Variants in ALG14 observed in about 807,000 individuals in gnomAD.
ALG14 encodes ALG14 UDP-N-acetylglucosaminyltransferase subunit, also known as UDP-N-acetylglucosamine transferase subunit ALG14.
In ALG14, 17 loss-of-function variants were observed where a neutral mutation model predicts 22.8. That is an observed-to-expected ratio of 0.75 (90% CI 0.51 to 1.12). The LOEUF is 1.12. Ranked by LOEUF, ALG14 falls within the 50% of genes most tolerant of loss-of-function variation. ALG14 has a pLI of 0.00. For missense variants in ALG14, 288 were observed against 271.8 expected, an observed-to-expected ratio of 1.06 and a Z score of -0.42; for synonymous variants, 89 against 103.7, an observed-to-expected ratio of 0.86 and a Z score of 0.86.
chr1:95,047,060 G>A (rs1195819396), intron 2 of ALG14, among the ~76,000 whole-genome samples: 1 of 151,820 alleles, frequency 6.6e-6, no homozygotes, highest in Non-Finnish European at 1.5e-5. Context: ...GAACCAACAT[G>A]GAAAGTTATC....
At position 95,059,239 on chromosome 1, in the gene ALG14, A is replaced by G. The variant is rs570623804; in HGVS notation, c.288+5627T>C. 3.3e-5 allele frequency among the ~76,000 whole-genome samples: 5 copies of G among 151,900 alleles called. No homozygotes were observed. In the East Asian group the frequency reaches 1.0e-3, roughly 31 times the overall value. On this transcript the variant is annotated intron_variant, in intron 2 of 3. Transcript: ENST00000370205. ...TGGGGAAACCCCGTCTCTACTAAAA[A>G]TACAAAAATTAGTTGGGCGTGGTGG... is the stretch of plus-strand genomic sequence containing the variant.
At chr1:95,033,621 A>G (rs1674094626) in intron 2 of ALG14, among the ~76,000 whole-genome samples, 1 of 152,064 alleles carries the variant, frequency 6.6e-6, no homozygotes, top group African/African-American at 2.4e-5. Context: ...AGTAAAATCT[A>G]TCATAGATTT....
chr1:95,018,113 G>C (rs987841060), intron 3 of ALG14, among the ~76,000 whole-genome samples: 2 of 152,006 alleles, frequency 1.3e-5, no homozygotes, highest in African/African-American at 4.8e-5. Context: ...TTTGTAGGAT[G>C]GTATTTTTTC....
chr1:95,015,581 T>C (rs1011776129), intron 3 of ALG14, among the ~76,000 whole-genome samples: 1 of 152,176 alleles, frequency 6.6e-6, no homozygotes, highest in African/African-American at 2.4e-5. Context: ...CTAAGGTTGT[T>C]TGTAAATCAG....
At chr1:95,024,665 A>G (rs147477352) in intron 3 of ALG14, among the ~76,000 whole-genome samples, 36 of 152,268 alleles carry the variant, frequency 2.4e-4, no homozygotes, top group African/African-American at 7.7e-4. Context: ...AGATCACCTC[A>G]GTCCACTCAG....
chr1:95,069,881 T>G lies in ALG14; in HGVS notation c.136+2882A>C, dbSNP rs773773909. ...ATACTACTCTAATTTTACTCCACCT[T>G]TCTGTGTAAAAACTGGCCATAAAGA... On this transcript the variant is annotated intron_variant, in intron 1 of 3. Transcript: ENST00000370205. Among the ~76,000 whole-genome samples, 1,400 of 152,192 alleles carry G rather than the reference T, an allele frequency of 9.2e-3. 14 individuals are homozygous for G. The highest frequency in any genetic ancestry group is 0.015 in the Non-Finnish European group (987 of 67,996).
At chr1:95,042,425 G>C (rs1206768395) in intron 2 of ALG14, among the ~76,000 whole-genome samples, 2 of 152,046 alleles carry the variant, frequency 1.3e-5, no homozygotes, top group Non-Finnish European at 2.9e-5. Context: ...ATGTCTTCTG[G>C]AGTTCTCTGT....
chr1:95,011,969 G>A (rs1673376679), intron 3 of ALG14, among the ~76,000 whole-genome samples: 1 of 152,152 alleles, frequency 6.6e-6, no homozygotes, highest in Non-Finnish European at 1.5e-5. Flanking sequence ...TGTTGTGGGA[G>A]GGACCCAGTG....
intron 2 of ALG14, among the ~76,000 whole-genome samples, chr1:95,046,089 T>C (rs890156019): frequency 6.6e-6 from 1 of 151,702 alleles, no homozygotes; most frequent in Non-Finnish European, 1.5e-5. Flanking sequence ...TATTGAAAAA[T>C]ATGAATAGAG....
chr1:95,009,927 T>C lies in ALG14; in HGVS notation c.420+17202A>G, dbSNP rs116583282. ...TTCTCTACTATTTTTGCAACTTTTGTGTAAGTTTAACATGATTTCAAAATT... is the reference window on the plus strand; with the variant it reads ...TTCTCTACTATTTTTGCAACTTTTGCGTAAGTTTAACATGATTTCAAAATT... On this transcript the variant is annotated intron_variant, in intron 3 of 3. Coordinates refer to ENST00000370205, the MANE Select transcript of ALG14 (RefSeq NM_144988.4). Among the ~76,000 whole-genome samples, 1,219 of 152,328 alleles carry C rather than the reference T, an allele frequency of 8.0e-3. 14 individuals carry two copies. Among genetic ancestry groups the C allele is most frequent in the African/African-American group, 0.028 (1,170 of 41,582 alleles).
intron 2 of ALG14, among the ~76,000 whole-genome samples, chr1:95,027,948 T>C (rs1673873436): frequency 6.6e-6 from 1 of 152,172 alleles, no homozygotes; most frequent in Non-Finnish European, 1.5e-5. Flanking sequence ...GACCAAATAT[T>C]CTCCAGTAGG....
chr1:94,976,921 T>C lies in ALG14; in HGVS notation c.*6155A>G, dbSNP rs1320859762. On this transcript the variant is annotated 3_prime_UTR_variant, in exon 4 of 4. Coordinates refer to ENST00000370205, the MANE Select transcript of ALG14 (RefSeq NM_144988.4). ...CTCAGTCATGTGAGTCCTTAAAAGATAGGAAGCAGGCCACCACAAATCCTA... is the reference window on the plus strand; with the variant it reads ...CTCAGTCATGTGAGTCCTTAAAAGACAGGAAGCAGGCCACCACAAATCCTA... 6.6e-6 allele frequency: 1 copy of C among 152,122 alleles called. No individual in the cohort carries two copies. Among genetic ancestry groups the C allele is most frequent in the Non-Finnish European group, 1.5e-5 (1 of 68,030 alleles). The allele number at this position is 152,122 out of a possible 1,614,324, so 9.4% of individuals were successfully genotyped here.
intron 3 of ALG14, among the ~76,000 whole-genome samples, chr1:95,006,345 T>A (rs1673219791): frequency 6.6e-6 from 1 of 152,208 alleles, no homozygotes; most frequent in African/African-American, 2.4e-5. Context: ...TATAGGTAGG[T>A]TCCATTAACT....
chr1:94,993,577 A>G (rs918660496), intron 3 of ALG14, among the ~76,000 whole-genome samples: 2 of 151,970 alleles, frequency 1.3e-5, no homozygotes, highest in African/African-American at 4.8e-5. Context: ...AGCTTCCCCT[A>G]CTCAGGATCT....
At position 94,981,546 on chromosome 1, in the gene ALG14, T is replaced by C. The variant is rs750142342; in HGVS notation, c.*1530A>G. On this transcript the variant is annotated 3_prime_UTR_variant, in exon 4 of 4. Coordinates refer to ENST00000370205, the MANE Select transcript of ALG14 (RefSeq NM_144988.4). ...ATGATCGTGGATAATCATGTCTCTT[T>C]TCACAAAAATTCAATCACTTCACTA... 6.6e-6 allele frequency: 1 copy of C among 151,248 alleles called. No homozygotes were observed. Among genetic ancestry groups the C allele is most frequent in the Non-Finnish European group, 1.5e-5 (1 of 67,806 alleles). The allele number at this position is 151,248 out of a possible 1,614,324, so 9.4% of individuals were successfully genotyped here.
At chr1:95,051,146 T>A (rs1226645693) in intron 2 of ALG14, among the ~76,000 whole-genome samples, 3 of 152,138 alleles carry the variant, frequency 2.0e-5, no homozygotes, top group African/African-American at 7.2e-5. Context: ...GACTCATAGA[T>A]CCCATTGTAT....
At chr1:95,040,850 G>A (rs759634088) in intron 2 of ALG14, among the ~76,000 whole-genome samples, 31 of 152,256 alleles carry the variant, frequency 2.0e-4, no homozygotes, top group African/African-American at 7.2e-4. Context: ...AAATTTAACT[G>A]GCACTGGGAA....
In ALG14 at chr1:94,983,068, GC is replaced by G. The variant is rs760367713; in HGVS notation, c.*7del. On this transcript the variant is annotated 3_prime_UTR_variant, in exon 4 of 4. Transcript: ENST00000370205. ...CTGCAAAATTCTAAAGAAGTCAGTT[GC>G]CATTTGTCAAACAATTCGCCCAAGG... is the stretch of plus-strand genomic sequence containing the variant. 1 of 1,612,720 alleles carries G rather than the reference GC, an allele frequency of 6.2e-7. No individual in the cohort carries two copies. The highest frequency in any genetic ancestry group is 8.5e-7 in the Non-Finnish European group (1 of 1,178,804).
intron 1 of ALG14, among the ~76,000 whole-genome samples, chr1:95,065,925 A>T (rs1444023680): frequency 6.6e-6 from 1 of 152,210 alleles, no homozygotes; most frequent in Admixed American, 6.5e-5. Flanking sequence ...ACAATAGAAT[A>T]TCTACCTATC....
Sources: allele counts gnomAD v4.1 joint callset (sites outside exome capture counted in the v4.1 genomes callset), GRCh38; gene constraint gnomAD v4.1.1; transcripts MANE v1.5; gene names NCBI Gene and HGNC (gene_info 2026-07-23, HGNC 2026-07-21).